Variants in PHLDB2 observed in about 807,000 individuals in gnomAD.
The protein encoded by PHLDB2 is pleckstrin homology-like domain family B member 2.
PHLDB2 carries 71 observed loss-of-function variants against 123.6 expected under a neutral mutation model. That is an observed-to-expected ratio of 0.57 (90% CI 0.47 to 0.70). The LOEUF is 0.70. PHLDB2 is among the 30% of genes least tolerant of loss of function. PHLDB2 has a pLI of 0.00. For missense variants in PHLDB2, 1,446 were observed against 1,519.5 expected (o/e 0.95, Z 0.80); for synonymous variants, 547 against 541.6 (o/e 1.01, Z -0.14).
chr3:111,770,661 A>G (rs1304454818), intron 1 of PHLDB2, among the ~76,000 whole-genome samples: 1 of 152,106 alleles, frequency 6.6e-6, no homozygotes, highest in East Asian at 1.9e-4. Context: ...CCATTTCATA[A>G]ATGGAAAAAC....
In PHLDB2 at chr3:111,962,112, T is replaced by A; in HGVS notation, c.2877T>A (p.Tyr959Ter). 6.3e-7 allele frequency: 1 copy of A among 1,577,732 alleles called. No individual in the cohort carries two copies. The highest frequency in any genetic ancestry group is 8.5e-7 in the Non-Finnish European group (1 of 1,170,318). ...TATTTATGGCTCCTTCCTTAGGTTA[T>A]AATCACCAACAGATGAGTGAAGGAC... Reference protein sequence around the residue: ...DSESRRMLRGYNHQQMSEGHR... With the variant: ...DSESRRMLRG The change falls in exon 13 of 18, where the codon TAT (tyrosine) becomes TAA (stop). Residue 959 changes from tyrosine to a stop codon, truncating the protein, a stop_gained. Coordinates refer to ENST00000431670, the MANE Select transcript of PHLDB2 (RefSeq NM_001134438.2). LOFTEE classifies it high-confidence loss of function.
rs1255698552 is a variant in PHLDB2, at chr3:111,884,991, C to A, written c.914C>A (p.Ser305Tyr). Reference sequence around the variant, plus strand: ...GACAATGACAATTACCTTAATTTTTCTTCTTTGAGCTCAGGGGCTTTACCC... The same window carrying A: ...GACAATGACAATTACCTTAATTTTTATTCTTTGAGCTCAGGGGCTTTACCC... ...VIDNDNYLNF[S>Y]SLSSGALPYK... Residue 305 changes from serine (S) to tyrosine (Y), a missense_variant, in exon 2 of 18, where the codon TCT becomes TAT. By Grantham distance (144) the Ser-to-Tyr change is moderately radical. Transcript: ENST00000431670. The A allele has an allele frequency of 1.2e-6, 2 of 1,614,094 alleles. No homozygotes were observed. The highest frequency in any genetic ancestry group is 3.3e-5 in the Admixed American group (2 of 60,002).
intron 1 of PHLDB2, among the ~76,000 whole-genome samples, chr3:111,784,305 A>T (rs2060598695): frequency 6.6e-6 from 1 of 152,236 alleles, no homozygotes; most frequent in Admixed American, 6.5e-5. Flanking sequence ...TGTGATAGTC[A>T]TTAGGACTGT....
At chr3:111,949,524 G>A (rs992799684) in intron 10 of PHLDB2, among the ~76,000 whole-genome samples, 1 of 152,154 alleles carries the variant, frequency 6.6e-6, no homozygotes, top group Non-Finnish European at 1.5e-5. Flanking sequence ...TACCTTCAGT[G>A]ATCCAAGTCG....
chr3:111,794,315 T>TC (rs2108218312), intron 1 of PHLDB2, among the ~76,000 whole-genome samples: 1 of 152,196 alleles, frequency 6.6e-6, no homozygotes, highest in African/African-American at 2.4e-5. Context: ...CACTGCACCC[T>TC]CTCTCCCCCA....
upstream of PHLDB2, among the ~76,000 whole-genome samples, chr3:111,856,436 A>G (rs2064511710): frequency 6.6e-6 from 1 of 152,240 alleles, no homozygotes; most frequent in South Asian, 2.1e-4. Context: ...AAATGGGAGT[A>G]GTAACAAACA....
At chr3:111,791,200 C>A (rs2060904517) in intron 1 of PHLDB2, among the ~76,000 whole-genome samples, 2 of 152,146 alleles carry the variant, frequency 1.3e-5, no homozygotes, top group South Asian at 4.1e-4. Flanking sequence ...TAATAAATTT[C>A]TATATATGGT....
Position 111,945,201 on chromosome 3 carries a change from A to G in PHLDB2, c.2398-67A>G, listed in dbSNP as rs879187883. 16 of 1,049,170 alleles carry G rather than the reference A, an allele frequency of 1.5e-5. No individual in the cohort carries two copies. The South Asian group carries it at 2.2e-4, about 14-fold the overall frequency. The allele number at this position is 1,049,170 out of a possible 1,614,324, so 65.0% of individuals were successfully genotyped here. ...AATCTGATGTTAGTCTCTAATGCAA[A>G]GTCACCATGCTTCTCAGTTGCATCG... On this transcript the variant is annotated intron_variant, in intron 8 of 17. Coordinates refer to ENST00000431670, the MANE Select transcript of PHLDB2 (RefSeq NM_001134438.2).
At chr3:111,952,829 T>G in intron 11 of PHLDB2, 117 bp downstream of exon 11, 1 of 1,233,710 alleles carries the variant, frequency 8.1e-7, no homozygotes, top group South Asian at 1.6e-5. Flanking sequence ...TACATTTACT[T>G]GTTAGGCAGA....
At chr3:111,907,555 A>G (rs1005403297) in intron 2 of PHLDB2, among the ~76,000 whole-genome samples, 4 of 152,050 alleles carry the variant, frequency 2.6e-5, no homozygotes, top group Non-Finnish European at 4.4e-5. Flanking sequence ...GGAGTGTAGT[A>G]GCACGACTGG....
intron 2 of PHLDB2, among the ~76,000 whole-genome samples, chr3:111,897,326 G>C (rs998797783): frequency 3.3e-5 from 5 of 152,158 alleles, no homozygotes; most frequent in East Asian, 3.9e-4. Flanking sequence ...GTTTCGTTGG[G>C]TCCCCAGTCT....
intron 1 of PHLDB2, among the ~76,000 whole-genome samples, chr3:111,828,177 G>A (rs1434689269): frequency 6.6e-6 from 1 of 152,224 alleles, no homozygotes; most frequent in Admixed American, 6.5e-5. Flanking sequence ...CCATGGAAGA[G>A]TTTCCCCTTC....
chr3:111,884,203 A>G lies in PHLDB2; in HGVS notation c.126A>G (p.Lys42=). The stretch of plus-strand genomic sequence containing the variant: ...TGATGGAGAGCCTCAGCCCAAAGAA[A>G]TACTCTTCCAGTCTGAGATTTAAAG... The part of the protein sequence containing the change: ...QNMMESLSPK[K]YSSSLRFKAN... The change falls in exon 2 of 18, where the codon AAA becomes AAG. Residue 42 remains lysine (K), a synonymous_variant. Coordinates refer to ENST00000431670, the MANE Select transcript of PHLDB2 (RefSeq NM_001134438.2). 1 of 1,614,174 alleles carries G rather than the reference A, an allele frequency of 6.2e-7. No homozygotes were observed. The highest frequency in any genetic ancestry group is 8.5e-7 in the Non-Finnish European group (1 of 1,180,022).
chr3:111,756,638 G>A (rs1316897789), intron 1 of PHLDB2, among the ~76,000 whole-genome samples: 1 of 152,030 alleles, frequency 6.6e-6, no homozygotes, highest in Non-Finnish European at 1.5e-5. Flanking sequence ...GGAGCATTTA[G>A]TCCATTTACA....
At chr3:111,847,307 T>C (rs2108587891) in intron 2 of PHLDB2, among the ~76,000 whole-genome samples, 1 of 152,310 alleles carries the variant, frequency 6.6e-6, no homozygotes, top group East Asian at 1.9e-4. Flanking sequence ...TATGAAGTTC[T>C]GAGAGACGCA....
intron 1 of PHLDB2, among the ~76,000 whole-genome samples, chr3:111,733,448 T>G (rs1941571892): frequency 6.6e-6 from 1 of 152,192 alleles, no homozygotes; most frequent in Non-Finnish European, 1.5e-5. Flanking sequence ...TCACCAGAAG[T>G]AAGTTTTTCT....
At chr3:111,755,565 G>C (rs2059872807) in intron 1 of PHLDB2, among the ~76,000 whole-genome samples, 1 of 148,094 alleles carries the variant, frequency 6.8e-6, no homozygotes, top group East Asian at 2.0e-4. Context: ...AGTCTTGCTA[G>C]TGGTCTATCA....
At chr3:111,878,982 A>C (rs923774157) in intron 1 of PHLDB2, among the ~76,000 whole-genome samples, 1 of 152,080 alleles carries the variant, frequency 6.6e-6, no homozygotes, top group East Asian at 1.9e-4. Flanking sequence ...TTTTGCATTG[A>C]TGTTCATTAG....
chr3:111,815,159 T>A (rs2062017253), intron 1 of PHLDB2, among the ~76,000 whole-genome samples: 2 of 152,210 alleles, frequency 1.3e-5, no homozygotes, highest in Admixed American at 1.3e-4. Flanking sequence ...CATGTGGAAC[T>A]GTAAGTCCAA....
Sources: allele counts gnomAD v4.1 joint callset (sites outside exome capture counted in the v4.1 genomes callset), GRCh38; gene constraint gnomAD v4.1.1; transcripts MANE v1.5; gene names NCBI Gene and HGNC (gene_info 2026-07-23, HGNC 2026-07-21).